LGMN: variants seen among roughly 807,000 people sequenced by gnomAD.
LGMN encodes the protein legumain, also known as asparaginyl endopeptidase.
In LGMN, 36 loss-of-function variants were observed where a neutral mutation model predicts 56.8. The ratio of observed to expected loss-of-function variants is 0.63; its 90% CI spans 0.49 to 0.84. The LOEUF is 0.84. Ranked by LOEUF, LGMN falls within the 40% of genes least tolerant of loss-of-function variation. The pLI is 0.00. For missense variants in LGMN, 446 were observed against 556.1 expected (o/e 0.80, Z 1.99); for synonymous variants, 199 against 210.1 (o/e 0.95, Z 0.46).
chr14:92,706,202 A>G (rs1195950899), intron 12 of LGMN, among the ~76,000 whole-genome samples: 1 of 152,204 alleles, frequency 6.6e-6, no homozygotes, highest in Non-Finnish European at 1.5e-5. Context: ...TTTGGCAGGG[A>G]CAGCAGAAGT....
intron 2 of LGMN, among the ~76,000 whole-genome samples, chr14:92,730,503 G>A (rs536311915): frequency 1.3e-5 from 2 of 152,190 alleles, no homozygotes; most frequent in East Asian, 1.9e-4. Flanking sequence ...AATAGCTCAC[G>A]GCAGCCTTAA....
In LGMN at chr14:92,704,030, C is replaced by T. The variant is rs1211109003; in HGVS notation, c.*289G>A. The T allele has an allele frequency of 2.9e-6, 2 of 693,352 alleles. No homozygotes were observed. The highest frequency in any genetic ancestry group is 2.1e-5 in the Admixed American group (1 of 48,386). The allele number at this position is 693,352 out of a possible 1,614,324, so 42.9% of individuals were successfully genotyped here. A position where few individuals can be genotyped will look rare whatever the true frequency, so the allele number is the denominator to read the frequency against. ...GGCTACAGAAGCCCCCATGAGCTTC[C>T]TGCTCCTCAAAACTAACAGGCAAAA... On this transcript the variant is annotated 3_prime_UTR_variant, in exon 14 of 14. Coordinates refer to ENST00000334869, the MANE Select transcript of LGMN (RefSeq NM_005606.7).
chr14:92,719,116 CCCACCACCACAACCACCGCCACCG>C (rs1296013524), intron 2 of LGMN, among the ~76,000 whole-genome samples: 6 of 150,712 alleles, frequency 4.0e-5, no homozygotes, highest in Admixed American at 1.3e-4. Context: ...ACATACACAC[CCCACCACCACAACCACCGCCACCG>C]CCACCACCAC....
At position 92,717,298 on chromosome 14, in the gene LGMN, T is replaced by C. The variant is rs1284605194; in HGVS notation, c.318+82A>G. 4.6e-6 allele frequency: 4 copies of C among 878,332 alleles called. No individual in the cohort carries two copies. In the Admixed American group the frequency reaches 6.4e-5, roughly 14 times the overall value. 54.4% of individuals were successfully genotyped at this position (878,332 alleles called of 1,614,324 possible). ...AGAAGCCAGTCTAGGGAGATTCTGA[T>C]TCTAGAAACAGAAGAAAGAGGGAAA... On this transcript the variant is annotated intron_variant, in intron 4 of 13. Coordinates refer to ENST00000334869, the MANE Select transcript of LGMN (RefSeq NM_005606.7).
Position 92,718,684 on chromosome 14 carries a change from T to C in LGMN, c.236+63A>G, listed in dbSNP as rs183391856. On this transcript the variant is annotated intron_variant, in intron 3 of 13. Coordinates refer to ENST00000334869, the MANE Select transcript of LGMN (RefSeq NM_005606.7). Reference sequence around the variant, plus strand: ...GGCCACTAGGATTCCTGTGAGTCTATGTGACCTTTTTTTAAATACCCTGAA... The same window carrying C: ...GGCCACTAGGATTCCTGTGAGTCTACGTGACCTTTTTTTAAATACCCTGAA... 8.5e-4 allele frequency: 909 copies of C among 1,069,006 alleles called. 1 individual carries two copies. Among genetic ancestry groups the C allele is most frequent in the Non-Finnish European group, 1.2e-3 (839 of 688,132 alleles). The allele number at this position is 1,069,006 out of a possible 1,614,324, so 66.2% of individuals were successfully genotyped here.
chr14:92,732,634 T>C lies in LGMN; in HGVS notation c.138+15A>G. On this transcript the variant is annotated intron_variant, in intron 2 of 13. Coordinates refer to ENST00000334869, the MANE Select transcript of LGMN (RefSeq NM_005606.7). ...CCAGTGTCCTTAACAAAAAAAAGAT[T>C]AGTCATTTTCTTACCTGGTGCCTAT... The C allele has an allele frequency of 1.2e-6, 2 of 1,612,338 alleles. No individual in the cohort carries two copies. The highest frequency in any genetic ancestry group is 4.5e-5 in the East Asian group (2 of 44,886).
intron 7 of LGMN, 70 bp downstream of exon 7, chr14:92,713,753 T>A: frequency 9.7e-7 from 1 of 1,033,766 alleles, no homozygotes; most frequent in East Asian, 2.4e-5. Flanking sequence ...GTCACGGGAC[T>A]GTGGGCTCTG....
At chr14:92,730,667 G>A (rs191187301) in intron 2 of LGMN, among the ~76,000 whole-genome samples, 5 of 152,224 alleles carry the variant, frequency 3.3e-5, no homozygotes, top group East Asian at 3.9e-4. Context: ...TATTAAGGCC[G>A]GGCATGGTGG....
In LGMN at chr14:92,714,476, A is replaced by T. The variant is rs1418980898; in HGVS notation, c.405-25T>A. 1 of 1,505,060 alleles carries T rather than the reference A, an allele frequency of 6.6e-7. No individual in the cohort carries two copies. The highest frequency in any genetic ancestry group is 9.2e-7 in the Non-Finnish European group (1 of 1,090,468). The allele number at this position is 1,505,060 out of a possible 1,614,324, so 93.2% of individuals were successfully genotyped here. On this transcript the variant is annotated intron_variant, in intron 5 of 13. Transcript: ENST00000334869. This position sits in a 1 kb window ranked among gnomAD's most constrained non-coding sequence, Gnocchi z 5.1. ...ACTGCCAAGAAGGAATCGGGGGTCA[A>T]TCATTTCCTTTTTCTGTTTTTACTT...
chr14:92,713,827 C>T lies in LGMN; in HGVS notation c.539G>A (p.Arg180Gln), dbSNP rs781595220. The change falls in exon 7 of 14, where the codon CGA becomes CAA. Residue 180 changes from arginine (R) to glutamine (Q), a missense_variant. Coordinates refer to ENST00000334869, the MANE Select transcript of LGMN (RefSeq NM_005606.7). ...CTGCCCCAAGGGCTGAATTACCTTT[C>T]GGTACATTTTGTGTTTGTACATGTA... ...IHYMYKHKMY[R>Q]KMVFYIEACE... The T allele has an allele frequency of 2.5e-5, 41 of 1,611,472 alleles. No individual in the cohort carries two copies. Among genetic ancestry groups the T allele is most frequent in the African/African-American group, 4.0e-5 (3 of 74,854 alleles).
intron 6 of LGMN, 23 bp from the exon 7 acceptor site, chr14:92,713,908 G>A: frequency 1.9e-6 from 3 of 1,567,856 alleles, no homozygotes; most frequent in Non-Finnish European, 2.6e-6. Context: ...AATATTGTCA[G>A]ACCAACACAT....
chr14:92,729,821 G>T (rs956010002), intron 2 of LGMN, among the ~76,000 whole-genome samples: 1 of 152,218 alleles, frequency 6.6e-6, no homozygotes, highest in Non-Finnish European at 1.5e-5. Context: ...GGCAGGGAGG[G>T]CTGAGGCAGG....
rs1405569703 is a variant in LGMN, at chr14:92,704,377, A to T, written c.1260-16T>A. ...CAATTTTATCCTGCGAGAGACAGGA[A>T]GGAGAACTTGGTGAACCGTGTCAAC... On this transcript the variant is annotated splice_polypyrimidine_tract_variant and intron_variant, in intron 13 of 13. Transcript: ENST00000334869. 1 of 1,585,180 alleles carries T rather than the reference A, an allele frequency of 6.3e-7. No homozygotes were observed. Among genetic ancestry groups the T allele is most frequent in the Non-Finnish European group, 8.6e-7 (1 of 1,156,402 alleles).
intron 2 of LGMN, 116 bp downstream of exon 2, chr14:92,732,533 G>A (rs1891102387): frequency 8.6e-7 from 1 of 1,158,842 alleles, no homozygotes; most frequent in East Asian, 2.4e-5. Context: ...GTTACAGCCA[G>A]CCTAACAGGT....
intron 7 of LGMN, 34 bp downstream of exon 7, chr14:92,713,789 C>G: frequency 6.6e-7 from 1 of 1,512,554 alleles, no homozygotes; most frequent in Non-Finnish European, 9.2e-7. Flanking sequence ...TCACACCCCC[C>G]GCCCCCACAA....
chr14:92,726,611 G>A (rs1040961671), intron 2 of LGMN, among the ~76,000 whole-genome samples: 1 of 152,154 alleles, frequency 6.6e-6, no homozygotes, highest in Non-Finnish European at 1.5e-5. Context: ...GAGTGGAGAG[G>A]TTCTGTCAAA....
intron 2 of LGMN, among the ~76,000 whole-genome samples, chr14:92,727,424 C>T (rs1318373725): frequency 1.5e-5 from 2 of 134,638 alleles, no homozygotes; most frequent in Non-Finnish European, 3.2e-5. Flanking sequence ...AGCAAGACTG[C>T]CTCACAAAAA....
chr14:92,728,539 G>A (rs999016565), intron 2 of LGMN, among the ~76,000 whole-genome samples: 15 of 152,140 alleles, frequency 9.9e-5, no homozygotes, highest in East Asian at 3.8e-4. Flanking sequence ...ACCACTTGTC[G>A]TGTATGCGGT....
At chr14:92,719,248 ACCACCAC>A (rs1890276775) in intron 2 of LGMN, among the ~76,000 whole-genome samples, 7 of 22,500 alleles carry the variant, frequency 3.1e-4, no homozygotes, top group African/African-American at 1.3e-3. Context: ...CACCACCGCC[ACCACCAC>A]CACCGCCACC....
Sources: allele counts gnomAD v4.1 joint callset (sites outside exome capture counted in the v4.1 genomes callset), GRCh38; gene constraint gnomAD v4.1.1; non-coding constraint Gnocchi (gnomAD v3.1); transcripts MANE v1.5; gene names NCBI Gene and HGNC (gene_info 2026-07-23, HGNC 2026-07-21).